ADAMTS2: variants seen among roughly 807,000 people sequenced by gnomAD.
The protein encoded by ADAMTS2 is ADAM metallopeptidase with thrombospondin type 1 motif 2.
In ADAMTS2, 50 loss-of-function variants were observed where a neutral mutation model predicts 123.0. That is an observed-to-expected ratio of 0.41 (90% CI 0.32 to 0.51). The LOEUF (loss-of-function observed/expected upper bound fraction) is 0.51. Ranked by LOEUF, ADAMTS2 falls within the 20% of genes least tolerant of loss-of-function variation. The probability of loss-of-function intolerance (pLI) is 0.35; values close to 1 mark genes in which losing one functional copy is unlikely to be tolerated. For missense variants in ADAMTS2, 1,494 were observed against 1,705.2 expected, an observed-to-expected ratio of 0.88 and a Z score of 2.18; for synonymous variants, 678 against 695.4, an observed-to-expected ratio of 0.98 and a Z score of 0.39.
At chr5:179,248,659 T>C (rs893265036) in intron 3 of ADAMTS2, among the ~76,000 whole-genome samples, 2 of 152,070 alleles carry the variant, frequency 1.3e-5, no homozygotes, top group Admixed American at 6.5e-5. Context: ...CATTATATAT[T>C]GATGAAAGAG....
intron 6 of ADAMTS2, 77 bp from the exon 7 acceptor site, chr5:179,154,996 C>A: frequency 7.5e-7 from 1 of 1,328,816 alleles, no homozygotes; most frequent in South Asian, 1.3e-5. Flanking sequence ...AACTCCCAGG[C>A]GCTGCTTCTC....
At chr5:179,288,937 C>T (rs1202701399) in intron 2 of ADAMTS2, among the ~76,000 whole-genome samples, 2 of 152,242 alleles carry the variant, frequency 1.3e-5, no homozygotes, top group African/African-American at 4.8e-5. Flanking sequence ...GCATCCATAC[C>T]GCAGCACAGC....
At position 179,202,653 on chromosome 5, in the gene ADAMTS2, A is replaced by G. The variant is rs571452621; in HGVS notation, c.891+4860T>C. Among the ~76,000 whole-genome samples, 1 of 151,144 alleles carries G rather than the reference A, an allele frequency of 6.6e-6. No homozygotes were observed. The highest frequency in any genetic ancestry group is 6.6e-5 in the Admixed American group (1 of 15,188). ...TGAACGGCAGCCAGGGGCACCAGAC[A>G]GAGGAGGATGGCTATGCCGAGAATC... On this transcript the variant is annotated intron_variant, in intron 4 of 21. Transcript: ENST00000251582. This position sits in a 1 kb window ranked among gnomAD's most constrained non-coding sequence, Gnocchi z 4.0.
chr5:179,305,055 GA>G (rs3084664), intron 2 of ADAMTS2, among the ~76,000 whole-genome samples: 36,600 of 126,010 alleles, frequency 0.29, 5,589 homozygotes, highest in African/African-American at 0.48. Flanking sequence ...TTAAAATGCT[GA>G]AAAAAAAAAA....
chr5:179,199,968 TGAGAGACA>T (rs1436833699), intron 4 of ADAMTS2, among the ~76,000 whole-genome samples: 3 of 152,210 alleles, frequency 2.0e-5, no homozygotes, highest in South Asian at 2.1e-4. Context: ...AACAGCGAGT[TGAGAGACA>T]GAGAGACAGA....
rs1423380851 is a variant in ADAMTS2 at position 179,303,163 on chromosome 5, G to A, written c.535-30099C>T. On this transcript the variant is annotated intron_variant, in intron 2 of 21. Coordinates refer to ENST00000251582, the MANE Select transcript of ADAMTS2 (RefSeq NM_014244.5). This position sits in a 1 kb window ranked among gnomAD's most constrained non-coding sequence, Gnocchi z 4.7. Reference sequence around the variant, plus strand: ...TTGCTCTGGGCATGTTGTGAGAATTGCTGGGGGCAGGATCTCCCTCCCTCT... The same window carrying A: ...TTGCTCTGGGCATGTTGTGAGAATTACTGGGGGCAGGATCTCCCTCCCTCT... Among the ~76,000 whole-genome samples the A allele has an allele frequency of 6.6e-6, 1 of 152,150 alleles. No individual in the cohort carries two copies. The highest frequency in any genetic ancestry group is 1.5e-5 in the Non-Finnish European group (1 of 68,024).
chr5:179,294,107 T>C (rs1428486035), intron 2 of ADAMTS2, among the ~76,000 whole-genome samples: 1 of 151,952 alleles, frequency 6.6e-6, no homozygotes, highest in Non-Finnish European at 1.5e-5. Context: ...AATTTAAAAA[T>C]TAGCTGGGTG....
In ADAMTS2 at chr5:179,222,129, G is replaced by A. The variant is rs549134006; in HGVS notation, c.689-14414C>T. 3.3e-5 allele frequency among the ~76,000 whole-genome samples: 5 copies of A among 152,254 alleles called. 1 individual carries two copies. Among genetic ancestry groups the A allele is most frequent in the African/African-American group, 1.2e-4 (5 of 41,544 alleles). On this transcript the variant is annotated intron_variant, in intron 3 of 21. Coordinates refer to ENST00000251582, the MANE Select transcript of ADAMTS2 (RefSeq NM_014244.5). ...TTCCTGTGTGAACTCCGTGGGTCCA[G>A]AAGCCTGAGTTTGGGGGTGGTGACA...
chr5:179,137,952 A>G lies in ADAMTS2; in HGVS notation c.1776-8T>C, dbSNP rs1763095009. On this transcript the variant is annotated splice_polypyrimidine_tract_variant and splice_region_variant and intron_variant, in intron 11 of 21. Transcript: ENST00000251582. ...CGGCCCCCGTTGGCCGGGCTGGAGG[A>G]GAAAGCAAAGGCCTTGCCGCTCCGT... is the stretch of plus-strand genomic sequence containing the variant. The G allele has an allele frequency of 1.9e-6, 3 of 1,543,706 alleles. No individual in the cohort carries two copies. The highest frequency in any genetic ancestry group is 2.6e-6 in the Non-Finnish European group (3 of 1,147,104).
At chr5:179,163,535 G>A (rs1324641224) in intron 5 of ADAMTS2, among the ~76,000 whole-genome samples, 2 of 152,068 alleles carry the variant, frequency 1.3e-5, no homozygotes, top group Non-Finnish European at 2.9e-5. Flanking sequence ...ACAAAACAAC[G>A]CATCCTCCCC....
chr5:179,323,690 A>G (rs1757243730), intron 2 of ADAMTS2, among the ~76,000 whole-genome samples: 2 of 152,286 alleles, frequency 1.3e-5, no homozygotes, highest in South Asian at 4.1e-4. Flanking sequence ...CAGGGCAGAA[A>G]TCACAGGCTT....
Position 179,216,176 on chromosome 5 carries a change from T to C in ADAMTS2, c.689-8461A>G, listed in dbSNP as rs1255175097. On this transcript the variant is annotated intron_variant, in intron 3 of 21. Transcript: ENST00000251582. ...GAGGCCCATGGAGGGTGGCGAGAAG[T>C]GACCCTGAGGTGATGGCTCTGCACC... Among the ~76,000 whole-genome samples the C allele has an allele frequency of 2.0e-5, 3 of 152,084 alleles. No individual in the cohort carries two copies. In the East Asian group the frequency reaches 5.8e-4, roughly 30 times the overall value.
intron 5 of ADAMTS2, among the ~76,000 whole-genome samples, chr5:179,173,705 TG>T (rs970824989): frequency 5.9e-5 from 9 of 152,194 alleles, no homozygotes; most frequent in African/African-American, 1.9e-4. Flanking sequence ...AATGAATGTC[TG>T]GGGGCAAACA....
rs544297368 is a variant in ADAMTS2 at position 179,129,179 on chromosome 5, G to T, written c.2457+753C>A. Among the ~76,000 whole-genome samples the T allele has an allele frequency of 5.8e-4, 89 of 152,272 alleles. No individual in the cohort carries two copies. Among genetic ancestry groups the T allele is most frequent in the Non-Finnish European group, 7.2e-4 (49 of 68,032 alleles). ...CACTGATGCAGGCAGGTCACCAAAG[G>T]CACGTCCAGGGGGCCAGAAGTCACT... On this transcript the variant is annotated intron_variant, in intron 16 of 21. Coordinates refer to ENST00000251582, the MANE Select transcript of ADAMTS2 (RefSeq NM_014244.5). The surrounding 1 kb of genome is among the most constrained non-coding windows in gnomAD (Gnocchi z 4.1).
At chr5:179,148,636 T>C (rs1050518372) in intron 10 of ADAMTS2, among the ~76,000 whole-genome samples, 1 of 152,182 alleles carries the variant, frequency 6.6e-6, no homozygotes, top group African/African-American at 2.4e-5. Flanking sequence ...TGTCCATGCC[T>C]GAGCTGCTCC....
chr5:179,238,085 T>C (rs1305334270), intron 3 of ADAMTS2, among the ~76,000 whole-genome samples: 1 of 152,148 alleles, frequency 6.6e-6, no homozygotes, highest in African/African-American at 2.4e-5. Context: ...GGCTGTGCAC[T>C]CTGGAAACAG....
chr5:179,177,177 T>C lies in ADAMTS2; in HGVS notation c.975+3895A>G, dbSNP rs116610117. Among the ~76,000 whole-genome samples, 589 of 152,374 alleles carry C rather than the reference T, an allele frequency of 3.9e-3. 7 individuals are homozygous for C. The highest frequency in any genetic ancestry group is 0.013 in the African/African-American group (546 of 41,588). ...CCTTCAAACAGTATTTGTTAGAGGA[T>C]GAGTTTTGTCATTTGGAAACTGATG... On this transcript the variant is annotated intron_variant, in intron 5 of 21. Coordinates refer to ENST00000251582, the MANE Select transcript of ADAMTS2 (RefSeq NM_014244.5).
At chr5:179,119,088 T>C (rs968566616) in intron 21 of ADAMTS2, among the ~76,000 whole-genome samples, 4 of 152,226 alleles carry the variant, frequency 2.6e-5, no homozygotes, top group East Asian at 1.9e-4. Flanking sequence ...GCACCTGGGC[T>C]GTAGGCGGCG....
intron 2 of ADAMTS2, among the ~76,000 whole-genome samples, chr5:179,321,342 G>A (rs1045514135): frequency 6.6e-6 from 1 of 152,036 alleles, no homozygotes; most frequent in East Asian, 1.9e-4. Flanking sequence ...CAGCATGTGT[G>A]CCATGCGCAC....
Sources: gnomAD v4.1 joint callset for allele counts (sites outside exome capture counted in the v4.1 genomes callset) on GRCh38, gnomAD v4.1.1 for gene constraint, Gnocchi (gnomAD v3.1) non-coding constraint, MANE v1.5 for transcripts, NCBI Gene and HGNC (gene_info 2026-07-23, HGNC 2026-07-21) for gene names.